The following SGCZ variants were observed in gnomAD, a reference collection of about 807,000 sequenced individuals.
The protein encoded by SGCZ is zeta-sarcoglycan.
A neutral mutation model predicts 41.3 loss-of-function variants in SGCZ; 40 were observed. That is an observed-to-expected ratio of 0.97 (90% CI 0.75 to 1.26). The LOEUF is 1.26. Among genes scored for constraint, SGCZ ranks in the 50% most tolerant of loss-of-function variants. SGCZ has a pLI of 0.00. For missense variants in SGCZ, 552 were observed against 369.8 expected, an observed-to-expected ratio of 1.49 and a Z score of -4.04; for synonymous variants, 206 against 137.5, an observed-to-expected ratio of 1.50 and a Z score of -3.49.
intron 1 of SGCZ, among the ~76,000 whole-genome samples, chr8:14,855,677 G>A (rs149966180): frequency 4.7e-4 from 72 of 152,246 alleles, no homozygotes; most frequent in African/African-American, 1.7e-3. Context: ...TTGTATTATT[G>A]CAAATGCCAA....
chr8:14,957,930 T>C (rs1800843432), intron 1 of SGCZ, among the ~76,000 whole-genome samples: 2 of 152,068 alleles, frequency 1.3e-5, no homozygotes. Context: ...AAAATACTTC[T>C]TATGTGCAAC....
At chr8:14,134,843 C>T (rs1220502720) in intron 5 of SGCZ, among the ~76,000 whole-genome samples, 2 of 141,678 alleles carry the variant, frequency 1.4e-5, no homozygotes, top group Non-Finnish European at 3.3e-5. Flanking sequence ...CTTGTGAGCT[C>T]AGAATGGTTT....
At chr8:15,235,405 G>T (rs941325445) in intron 1 of SGCZ, among the ~76,000 whole-genome samples, 1 of 152,156 alleles carries the variant, frequency 6.6e-6, no homozygotes, top group Non-Finnish European at 1.5e-5. Context: ...AAAGTAGCTT[G>T]TCCTTGACAT....
At chr8:14,605,972 T>A (rs1231849544) in intron 1 of SGCZ, among the ~76,000 whole-genome samples, 4 of 147,482 alleles carry the variant, frequency 2.7e-5, no homozygotes, top group Non-Finnish European at 6.1e-5. Context: ...ATAAACTCTC[T>A]AATAATATGC....
intron 2 of SGCZ, among the ~76,000 whole-genome samples, chr8:14,405,507 ATATCAAATATG>A (rs1330524267): frequency 6.6e-6 from 1 of 152,208 alleles, no homozygotes; most frequent in Non-Finnish European, 1.5e-5. Flanking sequence ...CTTTCACAGG[ATATCAAATATG>A]GTAGGCAGAC....
intron 2 of SGCZ, among the ~76,000 whole-genome samples, chr8:14,395,143 G>A (rs1389012374): frequency 1.3e-5 from 2 of 152,094 alleles, no homozygotes; most frequent in African/African-American, 4.8e-5. Context: ...TCTGTTCTTA[G>A]CTTTTCTCTC....
intron 2 of SGCZ, among the ~76,000 whole-genome samples, chr8:14,411,879 G>C (rs1359910624): frequency 2.6e-5 from 4 of 152,096 alleles, no homozygotes; most frequent in African/African-American, 9.7e-5. Flanking sequence ...GGAACGGAAG[G>C]AGAATTAACA....
At chr8:14,506,813 TG>T (rs1476587890) in intron 2 of SGCZ, among the ~76,000 whole-genome samples, 35 of 152,164 alleles carry the variant, frequency 2.3e-4, no homozygotes, top group African/African-American at 8.4e-4. Flanking sequence ...AAATCCTGTT[TG>T]ACTTCAGGCA....
intron 1 of SGCZ, among the ~76,000 whole-genome samples, chr8:15,091,248 G>C (rs1346571895): frequency 1.3e-5 from 2 of 151,944 alleles, no homozygotes; most frequent in African/African-American, 4.8e-5. Context: ...CTGCAACTCT[G>C]GGCTCAAGTG....
intron 1 of SGCZ, among the ~76,000 whole-genome samples, chr8:15,100,735 C>A (rs1806576952): frequency 6.6e-6 from 1 of 152,168 alleles, no homozygotes; most frequent in Middle Eastern, 3.2e-3. Flanking sequence ...ATAATCCTGG[C>A]ATTTTGGGAG....
chr8:14,784,964 TATA>T (rs1344666915), intron 1 of SGCZ, among the ~76,000 whole-genome samples: 1 of 140,650 alleles, frequency 7.1e-6, no homozygotes, highest in Non-Finnish European at 1.5e-5. Context: ...ATTATATATA[TATA>T]ATATATATAT....
At chr8:14,924,099 T>C (rs972909905) in intron 1 of SGCZ, among the ~76,000 whole-genome samples, 2 of 152,222 alleles carry the variant, frequency 1.3e-5, no homozygotes, top group African/African-American at 4.8e-5. Context: ...CGCACCTGCA[T>C]AAATGAACAT....
intron 4 of SGCZ, among the ~76,000 whole-genome samples, chr8:14,236,088 T>C (rs1432282359): frequency 3.3e-5 from 5 of 152,208 alleles, no homozygotes; most frequent in Non-Finnish European, 7.3e-5. Flanking sequence ...TTAAGAAAAT[T>C]AGGACATGGA....
intron 4 of SGCZ, among the ~76,000 whole-genome samples, chr8:14,177,953 T>TTTTAC (rs1193577281): frequency 1.4e-5 from 1 of 71,602 alleles, no homozygotes; most frequent in African/African-American, 5.9e-5. Flanking sequence ...CTTTTCTTTT[T>TTTTAC]TTTTCTTTTT....
At chr8:15,020,002 T>C (rs1803191448) in intron 1 of SGCZ, among the ~76,000 whole-genome samples, 2 of 151,864 alleles carry the variant, frequency 1.3e-5, no homozygotes, top group Admixed American at 1.3e-4. Context: ...AGCAAGTCAT[T>C]GTTATATAAG....
chr8:14,936,580 A>G (rs1420761981), intron 1 of SGCZ, among the ~76,000 whole-genome samples: 6 of 151,932 alleles, frequency 3.9e-5, no homozygotes, highest in South Asian at 2.1e-4. Flanking sequence ...TGTAAGTTTC[A>G]TAAGTCAGGG....
intron 7 of SGCZ, among the ~76,000 whole-genome samples, chr8:14,094,392 T>C (rs1186308813): frequency 1.3e-5 from 2 of 152,004 alleles, no homozygotes; most frequent in East Asian, 3.9e-4. Flanking sequence ...TGGTGTTTGG[T>C]TTTCTGTTCT....
rs537650378 is a variant in SGCZ at position 14,749,578 on chromosome 8, T to G, written c.40-194652A>C. Among the ~76,000 whole-genome samples the G allele has an allele frequency of 2.6e-5, 4 of 152,306 alleles. No homozygotes were observed. The East Asian group carries it at 7.7e-4, about 29-fold the overall frequency. ...ACCAAATATTTGTTGATTTTGTTGA[T>G]GATAGTGGTCTATTCTGGGACATTT... On this transcript the variant is annotated intron_variant, in intron 1 of 7. Coordinates refer to ENST00000382080, the MANE Select transcript of SGCZ (RefSeq NM_139167.4).
chr8:14,104,650 C>T (rs1166893984), intron 6 of SGCZ, among the ~76,000 whole-genome samples: 1 of 152,048 alleles, frequency 6.6e-6, no homozygotes, highest in Non-Finnish European at 1.5e-5. Context: ...GAACACCAGC[C>T]AAGCAATTTA....
Sources: allele counts gnomAD v4.1 joint callset (sites outside exome capture counted in the v4.1 genomes callset), GRCh38; gene constraint gnomAD v4.1.1; transcripts MANE v1.5; gene names NCBI Gene and HGNC (gene_info 2026-07-23, HGNC 2026-07-21).